The following SEMA4B variants were observed in gnomAD, a reference collection of about 807,000 sequenced individuals.
SEMA4B encodes semaphorin 4B, also known as semaphorin-4B.
In SEMA4B, 55 loss-of-function variants were observed where a neutral mutation model predicts 88.1. That is an observed-to-expected ratio of 0.62 (90% CI 0.50 to 0.78). SEMA4B has a LOEUF of 0.78. Ranked by LOEUF, SEMA4B falls within the 30% of genes least tolerant of loss-of-function variation. The pLI, the probability that SEMA4B is intolerant of heterozygous loss-of-function variation, is 0.00. For missense variants in SEMA4B, 1,062 were observed against 1,111.9 expected (o/e 0.96, Z 0.64); for synonymous variants, 525 against 473.6 (o/e 1.11, Z -1.41).
intron 1 of SEMA4B, among the ~76,000 whole-genome samples, chr15:90,205,994 C>G (rs1960968149): frequency 6.6e-6 from 1 of 152,230 alleles, no homozygotes; most frequent in African/African-American, 2.4e-5. Flanking sequence ...TCAGCACAAC[C>G]CACATCCAGC....
At chr15:90,185,205 C>G (rs1393871867) in intron 1 of SEMA4B, 1 of 444,964 alleles carries the variant, frequency 2.2e-6, no homozygotes, top group Non-Finnish European at 3.0e-6. Context: ...GCCCCTCTCC[C>G]CAGAAGGCGC....
chr15:90,185,495 TGCTAGAAGGAGAAG>T (rs1166319855), intron 1 of SEMA4B, among the ~76,000 whole-genome samples: 6 of 152,204 alleles, frequency 3.9e-5, no homozygotes, highest in South Asian at 4.1e-4. Context: ...AGCACCAAGG[TGCTAGAAGGAGAAG>T]GCTAGAAGGA....
At chr15:90,226,226 A>T (rs1273595171) in intron 12 of SEMA4B, among the ~76,000 whole-genome samples, 1 of 152,260 alleles carries the variant, frequency 6.6e-6, no homozygotes, top group African/African-American at 2.4e-5. Context: ...AACACAAAGC[A>T]AAACTACCCC....
intron 12 of SEMA4B, chr15:90,227,173 G>A (rs1171434310): frequency 9.7e-6 from 2 of 206,434 alleles, no homozygotes; most frequent in Admixed American, 5.3e-5. Flanking sequence ...TCAGCCTCCT[G>A]AGCAGGTGGA....
chr15:90,204,006 G>T (rs953478800), intron 1 of SEMA4B, among the ~76,000 whole-genome samples: 10 of 152,018 alleles, frequency 6.6e-5, no homozygotes, highest in Non-Finnish European at 1.5e-4. Context: ...TCTTACCTAC[G>T]TGCAGGTCCT....
intron 9 of SEMA4B, 88 bp from the exon 10 acceptor site, chr15:90,224,880 C>T (rs1962058153): frequency 9.0e-7 from 1 of 1,113,800 alleles, no homozygotes; most frequent in South Asian, 1.3e-5. Flanking sequence ...GGGACAGACA[C>T]CGCTACTGTC....
intron 1 of SEMA4B, among the ~76,000 whole-genome samples, chr15:90,209,679 A>G (rs1961165308): frequency 6.6e-6 from 1 of 152,216 alleles, no homozygotes; most frequent in South Asian, 2.1e-4. Context: ...TGAACAGGAA[A>G]TGATGGGCAT....
chr15:90,222,535 A>C (rs922621267), intron 7 of SEMA4B, among the ~76,000 whole-genome samples: 1 of 151,600 alleles, frequency 6.6e-6, no homozygotes, highest in African/African-American at 2.4e-5. Flanking sequence ...GTGCCACTGC[A>C]CTCCAGCCTG....
At chr15:90,203,430 G>A (rs899384460) in intron 1 of SEMA4B, among the ~76,000 whole-genome samples, 2 of 152,206 alleles carry the variant, frequency 1.3e-5, no homozygotes, top group African/African-American at 4.8e-5. Context: ...CCTTGGGAAA[G>A]CTGGGCCAGC....
intron 1 of SEMA4B, among the ~76,000 whole-genome samples, chr15:90,216,153 T>C (rs1446646357): frequency 6.6e-6 from 1 of 152,074 alleles, no homozygotes; most frequent in Admixed American, 6.5e-5. Context: ...TACGCCTGGC[T>C]AATTTTATAT....
Position 90,227,921 on chromosome 15 carries a change from C to G in SEMA4B, c.1792C>G (p.Gln598Glu). The G allele has an allele frequency of 6.2e-7, 1 of 1,612,532 alleles. No individual in the cohort carries two copies. Among genetic ancestry groups the G allele is most frequent in the Non-Finnish European group, 8.5e-7 (1 of 1,179,850 alleles). ...FVPTGEKPCE[Q>E]VQFQPNTVNT... ...GCCTACAGGGGAGAAGCCATGTGAG[C>G]AAGTCCAGTTCCAGCCCAACACAGT... Residue 598 changes from glutamine to glutamate, a missense_variant, in exon 14 of 14, where the codon CAA becomes GAA. Transcript: ENST00000411539.
chr15:90,227,599 T>C lies in SEMA4B; in HGVS notation c.1731T>C (p.Leu577=). ...TCGAGGGAGCCAGCGCCAAGGACCTTTGCAGCGCGTCTTCGGTTGTGTCCC... is the reference window on the plus strand; with the variant it reads ...TCGAGGGAGCCAGCGCCAAGGACCTCTGCAGCGCGTCTTCGGTTGTGTCCC... ...QDIEGASAKD[L]CSASSVVSPS... is the part of the protein sequence containing the mutation. Residue 577 remains leucine, a synonymous_variant, in exon 13 of 14, where the codon CTT becomes CTC. Transcript: ENST00000411539. 6.2e-7 allele frequency: 1 copy of C among 1,613,974 alleles called. No individual in the cohort carries two copies. Among genetic ancestry groups the C allele is most frequent in the Non-Finnish European group, 8.5e-7 (1 of 1,179,876 alleles).
intron 1 of SEMA4B, among the ~76,000 whole-genome samples, chr15:90,211,662 G>A (rs113871310): frequency 2.0e-5 from 3 of 152,200 alleles, no homozygotes; most frequent in Non-Finnish European, 4.4e-5. Context: ...CTGCTGCTGG[G>A]GTAAGTGGGT....
At chr15:90,187,281 G>T (rs1424802903) in intron 1 of SEMA4B, among the ~76,000 whole-genome samples, 1 of 152,206 alleles carries the variant, frequency 6.6e-6, no homozygotes, top group Non-Finnish European at 1.5e-5. Context: ...CTATCCGTGT[G>T]GTGCTGTTTC....
chr15:90,225,595 G>T, intron 11 of SEMA4B, 66 bp from the exon 12 acceptor site: 1 of 1,515,992 alleles, frequency 6.6e-7, no homozygotes, highest in Non-Finnish European at 8.9e-7. Context: ...CATACAAGCC[G>T]GGTGGCCATG....
chr15:90,206,935 G>A (rs975559457), intron 1 of SEMA4B: 50 of 637,788 alleles, frequency 7.8e-5, no homozygotes, highest in Non-Finnish European at 1.4e-5. Flanking sequence ...GGCCAAGCAT[G>A]TCATCAGAGA....
chr15:90,209,886 G>T (rs1255109457), intron 1 of SEMA4B, among the ~76,000 whole-genome samples: 1 of 152,212 alleles, frequency 6.6e-6, no homozygotes, highest in East Asian at 1.9e-4. Context: ...GAACCAAGAG[G>T]TGGGTGGGTG....
upstream of SEMA4B, chr15:90,201,239 C>A (rs915068639): frequency 2.1e-5 from 20 of 935,360 alleles, no homozygotes; most frequent in African/African-American, 1.6e-4. Flanking sequence ...TGCCGCCCCT[C>A]GCGCTGCCAG....
At chr15:90,208,042 C>T (rs1961077111) in intron 1 of SEMA4B, among the ~76,000 whole-genome samples, 2 of 152,158 alleles carry the variant, frequency 1.3e-5, no homozygotes, top group African/African-American at 4.8e-5. Context: ...CACTTGAGGT[C>T]AGGAGTTTCG....
Sources: allele counts gnomAD v4.1 joint callset (sites outside exome capture counted in the v4.1 genomes callset), GRCh38; gene constraint gnomAD v4.1.1; transcripts MANE v1.5; gene names NCBI Gene and HGNC (gene_info 2026-07-23, HGNC 2026-07-21).